The following DCDC1 variants were observed in gnomAD, a reference collection of about 807,000 sequenced individuals.
DCDC1 encodes the protein doublecortin domain-containing protein 1.
A neutral mutation model predicts 178.3 loss-of-function variants in DCDC1; 200 were observed. The observed-to-expected ratio is 1.12, with a 90% CI of 1.00 to 1.26. DCDC1 has a LOEUF of 1.26. DCDC1 is among the 50% of genes most tolerant of loss of function. DCDC1 has a pLI of 0.00. For synonymous variants in DCDC1, 690 were observed against 604.8 expected (o/e 1.14, Z -2.07); for missense variants, 1,983 against 1,749.2 (o/e 1.13, Z -2.38).
chr11:30,950,536 C>T (rs1351916509), intron 21 of DCDC1, among the ~76,000 whole-genome samples: 1 of 152,130 alleles, frequency 6.6e-6, no homozygotes, highest in Non-Finnish European at 1.5e-5. Flanking sequence ...GAATGCAATC[C>T]TGTCATTTGC....
chr11:31,133,955 A>G (rs1423323330), intron 10 of DCDC1, among the ~76,000 whole-genome samples: 1 of 152,186 alleles, frequency 6.6e-6, no homozygotes, highest in African/African-American at 2.4e-5. Flanking sequence ...TGCCCGCTTC[A>G]GCCTCCCAAA....
At chr11:31,132,582 T>C (rs1254631780) in intron 10 of DCDC1, among the ~76,000 whole-genome samples, 2 of 152,174 alleles carry the variant, frequency 1.3e-5, no homozygotes, top group Non-Finnish European at 2.9e-5. Flanking sequence ...CTTGACCTTT[T>C]GTGATCCCAG....
At chr11:31,256,098 G>C (rs1944401991) in intron 8 of DCDC1, among the ~76,000 whole-genome samples, 2 of 152,114 alleles carry the variant, frequency 1.3e-5, no homozygotes, top group African/African-American at 4.8e-5. Flanking sequence ...CCCAGTGAAT[G>C]GTCTTGACAC....
At chr11:30,977,453 A>C (rs1950164428) in intron 20 of DCDC1, among the ~76,000 whole-genome samples, 1 of 152,228 alleles carries the variant, frequency 6.6e-6, no homozygotes, top group African/African-American at 2.4e-5. Flanking sequence ...ATATGTACAA[A>C]TATTACGTAG....
intron 9 of DCDC1, among the ~76,000 whole-genome samples, chr11:31,238,061 A>C (rs1366647761): frequency 1.3e-5 from 2 of 152,068 alleles, no homozygotes; most frequent in African/African-American, 4.8e-5. Flanking sequence ...ATTAAAACTG[A>C]AAGTTTATGA....
chr11:30,925,879 C>T (rs578245869), intron 22 of DCDC1, among the ~76,000 whole-genome samples: 1 of 152,232 alleles, frequency 6.6e-6, no homozygotes, highest in East Asian at 1.9e-4. Context: ...CACCAAGTTC[C>T]TCAGCTCCCT....
intron 9 of DCDC1, among the ~76,000 whole-genome samples, chr11:31,176,997 C>T (rs933283564): frequency 6.6e-6 from 1 of 152,068 alleles, no homozygotes; most frequent in African/African-American, 2.4e-5. Flanking sequence ...ATAAATCAAA[C>T]TCATAATACC....
intron 9 of DCDC1, among the ~76,000 whole-genome samples, chr11:31,229,716 G>A (rs1975517375): frequency 6.6e-6 from 1 of 152,016 alleles, no homozygotes; most frequent in Non-Finnish European, 1.5e-5. Flanking sequence ...GGATGGCGCA[G>A]CATAAGGAAA....
intron 9 of DCDC1, among the ~76,000 whole-genome samples, chr11:31,238,813 G>T (rs1976759757): frequency 1.3e-5 from 2 of 152,190 alleles, no homozygotes; most frequent in African/African-American, 4.8e-5. Flanking sequence ...GTGACTTTGT[G>T]CTGTTCTAAA....
At chr11:31,095,806 T>C (rs1958113337) in intron 15 of DCDC1, among the ~76,000 whole-genome samples, 1 of 152,210 alleles carries the variant, frequency 6.6e-6, no homozygotes, top group African/African-American at 2.4e-5. Flanking sequence ...ACTTCATACT[T>C]AATAAACTTT....
In DCDC1 at chr11:31,305,729, G is replaced by C; in HGVS notation, c.640C>G (p.Arg214Gly). 1 of 1,613,712 alleles carries C rather than the reference G, an allele frequency of 6.2e-7. No homozygotes were observed. Among genetic ancestry groups the C allele is most frequent in the South Asian group, 1.1e-5 (1 of 91,058 alleles). Residue 214 changes from arginine to glycine, a missense_variant, in exon 6 of 39, where the codon CGA becomes GGA. Arg to Gly is a moderately radical substitution (Grantham distance 125). Coordinates refer to ENST00000684477, the MANE Select transcript of DCDC1 (RefSeq NM_001387274.1). ...TCCTTGCCGTCTGCCAAGAACACTC[G>C]TCTTGCGGCCATGTTCAGATTCAGC... ...EKLNLNMAAR[R>G]VFLADGKEAL... is the part of the protein sequence containing the mutation.
intron 18 of DCDC1, among the ~76,000 whole-genome samples, chr11:31,073,795 T>C (rs1205139576): frequency 6.6e-6 from 1 of 152,190 alleles, no homozygotes; most frequent in Non-Finnish European, 1.5e-5. Context: ...GAACTAAAGG[T>C]GAATAGTTTG....
intron 9 of DCDC1, among the ~76,000 whole-genome samples, chr11:31,229,397 A>G (rs1975460975): frequency 2.0e-5 from 3 of 152,178 alleles, no homozygotes. Flanking sequence ...GGAGGATAAT[A>G]CATAATATAT....
chr11:31,186,292 G>A (rs1487983080), intron 9 of DCDC1, among the ~76,000 whole-genome samples: 1 of 152,058 alleles, frequency 6.6e-6, no homozygotes, highest in African/African-American at 2.4e-5. Flanking sequence ...TTTATCTGGG[G>A]TCTTTTGCAC....
At chr11:30,960,952 C>T (rs1440809227) in intron 20 of DCDC1, among the ~76,000 whole-genome samples, 2 of 152,012 alleles carry the variant, frequency 1.3e-5, no homozygotes, top group African/African-American at 4.8e-5. Context: ...AATTTCCTCC[C>T]AGATTTATTT....
At chr11:31,062,163 T>C (rs1955963298) in intron 20 of DCDC1, among the ~76,000 whole-genome samples, 1 of 152,104 alleles carries the variant, frequency 6.6e-6, no homozygotes, top group East Asian at 1.9e-4. Flanking sequence ...AAGTAAACTG[T>C]GCCTCTTTCT....
intron 38 of DCDC1, among the ~76,000 whole-genome samples, chr11:30,869,035 A>C (rs1941290766): frequency 6.6e-6 from 1 of 152,220 alleles, no homozygotes; most frequent in South Asian, 2.1e-4. Flanking sequence ...ACAAATCATC[A>C]CGCTTGTGAA....
intron 9 of DCDC1, among the ~76,000 whole-genome samples, chr11:31,157,355 C>CAA (rs1555090310): frequency 8.2e-6 from 1 of 121,930 alleles, no homozygotes; most frequent in African/African-American, 3.2e-5. Context: ...GACCCTTTCT[C>CAA]AAAAAAAAAA....
intron 32 of DCDC1, among the ~76,000 whole-genome samples, chr11:30,900,891 C>A (rs993126060): frequency 1.3e-5 from 2 of 152,044 alleles, no homozygotes; most frequent in Admixed American, 1.3e-4. Context: ...ATAATAATAT[C>A]TCATTCTGCT....
Sources: gnomAD v4.1 joint callset for allele counts (sites outside exome capture counted in the v4.1 genomes callset) on GRCh38, gnomAD v4.1.1 for gene constraint, MANE v1.5 for transcripts, NCBI Gene and HGNC (gene_info 2026-07-23, HGNC 2026-07-21) for gene names.